Variants in TMEM132C observed in about 807,000 individuals in gnomAD.
The protein encoded by TMEM132C is transmembrane protein 132C.
A neutral mutation model predicts 61.4 loss-of-function variants in TMEM132C; 29 were observed. The observed-to-expected ratio is 0.47, with a 90% CI of 0.35 to 0.64. The LOEUF is 0.64. Among genes scored for constraint, TMEM132C ranks in the 30% least tolerant of loss-of-function variants. TMEM132C has a pLI of 0.00. For missense variants in TMEM132C, 1,408 were observed against 1,476.9 expected (o/e 0.95, Z 0.76); for synonymous variants, 656 against 633.1 (o/e 1.04, Z -0.54).
At chr12:128,296,054 G>T (rs548096471) in intron 1 of TMEM132C, among the ~76,000 whole-genome samples, 1 of 152,188 alleles carries the variant, frequency 6.6e-6, no homozygotes, top group East Asian at 1.9e-4. Flanking sequence ...AAGTCCCTTT[G>T]TCTCTCTTTG....
chr12:128,582,816 C>T (rs754258064), intron 3 of TMEM132C, among the ~76,000 whole-genome samples: 2 of 152,144 alleles, frequency 1.3e-5, no homozygotes, highest in Non-Finnish European at 2.9e-5. Flanking sequence ...CTGATATACC[C>T]AGGCTGGAGT....
intron 1 of TMEM132C, among the ~76,000 whole-genome samples, chr12:128,387,959 C>T (rs1874639370): frequency 6.6e-6 from 1 of 152,252 alleles, no homozygotes; most frequent in African/African-American, 2.4e-5. Context: ...CGGCCGTCAC[C>T]TGTGCCCTTC....
chr12:128,409,640 G>C (rs1347283374), intron 1 of TMEM132C, among the ~76,000 whole-genome samples: 1 of 152,172 alleles, frequency 6.6e-6, no homozygotes, highest in Non-Finnish European at 1.5e-5. Context: ...CCTACCTGCA[G>C]GCTGGGTGGA....
intron 1 of TMEM132C, among the ~76,000 whole-genome samples, chr12:128,299,942 C>T (rs999030035): frequency 2.0e-5 from 3 of 152,318 alleles, no homozygotes; most frequent in South Asian, 2.1e-4. Context: ...CCAGTGGAAC[C>T]GGGGCAGGAT....
At position 128,415,042 on chromosome 12, in the gene TMEM132C, A is replaced by G; in HGVS notation, c.396A>G (p.Lys132=). 1.3e-6 allele frequency: 2 copies of G among 1,578,884 alleles called. No individual in the cohort carries two copies. Among genetic ancestry groups the G allele is most frequent in the Non-Finnish European group, 1.7e-6 (2 of 1,161,946 alleles). ...TNKFSFDWKL[K]AHILRDKVYL... is the part of the protein sequence containing the mutation. ...AGTTTAGTTTTGATTGGAAACTAAA[A>G]GCCCACATCCTGCGGGACAAAGTCT... Residue 132 remains lysine, a synonymous_variant, in exon 2 of 9, where the codon AAA becomes AAG. Coordinates refer to ENST00000435159, the MANE Select transcript of TMEM132C (RefSeq NM_001136103.3). The surrounding 1 kb of genome is among the most constrained non-coding windows in gnomAD (Gnocchi z 5.8).
At chr12:128,369,402 A>G (rs899432609) in intron 1 of TMEM132C, among the ~76,000 whole-genome samples, 1 of 152,248 alleles carries the variant, frequency 6.6e-6, no homozygotes, top group Non-Finnish European at 1.5e-5. Flanking sequence ...GTTTACTATG[A>G]AAACATTGAT....
chr12:128,697,631 C>T (rs1453970007), intron 8 of TMEM132C, among the ~76,000 whole-genome samples: 2 of 152,198 alleles, frequency 1.3e-5, no homozygotes, highest in East Asian at 1.9e-4. Context: ...CTCTTGGCTG[C>T]CGTTCTTACC....
rs915555007 is a variant in TMEM132C at position 128,621,067 on chromosome 12, G to A, written c.1305+4732G>A. 9.2e-5 allele frequency among the ~76,000 whole-genome samples: 14 copies of A among 152,048 alleles called. No individual in the cohort carries two copies. The East Asian group carries it at 2.2e-3, about 23-fold the overall frequency. ...GGAGATGGCAGCGGGGCCTTCTCCCGTGACTGGTTTGCCCTTCCAGACCCT... is the reference window on the plus strand; with the variant it reads ...GGAGATGGCAGCGGGGCCTTCTCCCATGACTGGTTTGCCCTTCCAGACCCT... On this transcript the variant is annotated intron_variant, in intron 4 of 8. Transcript: ENST00000435159.
intron 2 of TMEM132C, among the ~76,000 whole-genome samples, chr12:128,489,328 C>A (rs1871623803): frequency 6.6e-6 from 1 of 150,900 alleles, no homozygotes; most frequent in Non-Finnish European, 1.5e-5. Flanking sequence ...CCACCATGCT[C>A]ATGTTAGAGG....
intron 4 of TMEM132C, among the ~76,000 whole-genome samples, chr12:128,626,498 G>T (rs1163448969): frequency 7.1e-6 from 1 of 140,174 alleles, no homozygotes; most frequent in African/African-American, 3.0e-5. Flanking sequence ...AGACTGGAGT[G>T]CAGTGGTGTG....
intron 2 of TMEM132C, among the ~76,000 whole-genome samples, chr12:128,489,555 A>G (rs1224213347): frequency 7.7e-6 from 1 of 129,608 alleles, no homozygotes; most frequent in Non-Finnish European, 1.6e-5. Flanking sequence ...ATATATTTTT[A>G]TATGCTCATA....
intron 2 of TMEM132C, among the ~76,000 whole-genome samples, chr12:128,516,351 C>T (rs1407033879): frequency 6.6e-6 from 1 of 152,126 alleles, no homozygotes; most frequent in East Asian, 1.9e-4. Flanking sequence ...TAGGCTGGGT[C>T]AAGCAGGCAT....
intron 4 of TMEM132C, among the ~76,000 whole-genome samples, chr12:128,661,344 AG>A (rs1954387550): frequency 6.6e-6 from 1 of 152,212 alleles, no homozygotes; most frequent in South Asian, 2.1e-4. Context: ...TCACAGCAAC[AG>A]CTAGGTTAAT....
chr12:128,656,944 C>T (rs114423245), intron 4 of TMEM132C, among the ~76,000 whole-genome samples: 1,710 of 152,282 alleles, frequency 0.011, 33 homozygotes, highest in African/African-American at 0.039. Flanking sequence ...TGGGGGCTAC[C>T]TCTGGGATTC....
intron 1 of TMEM132C, among the ~76,000 whole-genome samples, chr12:128,378,357 C>G (rs1422241569): frequency 1.3e-5 from 2 of 152,084 alleles, no homozygotes; most frequent in South Asian, 2.1e-4. Context: ...ACTTCATGAT[C>G]CGCCCGCCTC....
chr12:128,520,416 A>T (rs1353499326), intron 2 of TMEM132C, among the ~76,000 whole-genome samples: 1 of 152,198 alleles, frequency 6.6e-6, no homozygotes, highest in African/African-American at 2.4e-5. Context: ...CTTTTATCAG[A>T]TTATGTCCTG....
At chr12:128,463,834 C>T (rs560387474) in intron 2 of TMEM132C, among the ~76,000 whole-genome samples, 44 of 152,196 alleles carry the variant, frequency 2.9e-4, no homozygotes, top group African/African-American at 9.4e-4. Flanking sequence ...CAGAGGACAC[C>T]GAGGTCCTAG....
rs1868761072 is a variant in TMEM132C at position 128,415,763 on chromosome 12, T to C, written c.974+143T>C. The stretch of plus-strand genomic sequence containing the variant: ...GGCATTAACAGGGGAAGGCAAATTA[T>C]GCACCTGCCCACATGCTCTCAACAG... On this transcript the variant is annotated intron_variant, in intron 2 of 8. Transcript: ENST00000435159. This position sits in a 1 kb window ranked among gnomAD's most constrained non-coding sequence, Gnocchi z 5.8. 2.7e-5 allele frequency: 26 copies of C among 945,928 alleles called. No individual in the cohort carries two copies. The highest frequency in any genetic ancestry group is 3.8e-5 in the Non-Finnish European group (25 of 655,170). 58.6% of individuals were successfully genotyped at this position (945,928 alleles called of 1,614,324 possible).
Position 128,705,801 on chromosome 12 carries a change from T to C in TMEM132C, c.2833T>C (p.Cys945Arg). The change falls in exon 9 of 9, where the codon TGC becomes CGC. Residue 945 changes from cysteine (C) to arginine (R), a missense_variant. By Grantham distance (180) the Cys-to-Arg change is radical. Transcript: ENST00000435159. ...GGCCATCCTCGTCTTCCTGATCAAC[T>C]GCGCCACCTTTGCCCTGAAGTACAG... ...CLAILVFLIN[C>R]ATFALKYRHK... The C allele has an allele frequency of 1.3e-6, 2 of 1,551,662 alleles. No individual in the cohort carries two copies. The highest frequency in any genetic ancestry group is 8.7e-7 in the Non-Finnish European group (1 of 1,147,058).
Sources: allele counts gnomAD v4.1 joint callset (sites outside exome capture counted in the v4.1 genomes callset), GRCh38; gene constraint gnomAD v4.1.1; non-coding constraint Gnocchi (gnomAD v3.1); transcripts MANE v1.5; gene names NCBI Gene and HGNC (gene_info 2026-07-23, HGNC 2026-07-21).